FRMPD1: variants seen among roughly 807,000 people sequenced by gnomAD.
The protein encoded by FRMPD1 is FERM and PDZ domain-containing protein 1.
Under a neutral mutation model 117.8 loss-of-function variants are expected in FRMPD1, and 76 were observed. The ratio of observed to expected loss-of-function variants is 0.65; its 90% CI spans 0.54 to 0.78. The LOEUF is 0.78. Among genes scored for constraint, FRMPD1 ranks in the 30% least tolerant of loss-of-function variants. FRMPD1 has a pLI of 0.00. For missense variants in FRMPD1, 1,786 were observed against 1,964.5 expected (o/e 0.91, Z 1.72); for synonymous variants, 783 against 770.4 (o/e 1.02, Z -0.27).
chr9:37,669,849 C>G (rs367790275), intron 1 of FRMPD1: 4 of 151,900 alleles, frequency 2.6e-5, no homozygotes, highest in African/African-American at 9.7e-5. Flanking sequence ...CAAAATTAGC[C>G]GGGCATGGTG....
chr9:37,744,512 G>A lies in FRMPD1; in HGVS notation c.2480G>A (p.Gly827Glu), dbSNP rs34100169. 1.4e-3 allele frequency: 2,330 copies of A among 1,614,054 alleles called. 26 individuals carry two copies. The African/African-American group carries it at 0.027, about 19-fold the overall frequency. ...GGAAGACAGCCAAGCAGGAGGGGAG[G>A]GGTGAAGAAATATGCCAAGACCCTG... ...PDGRQPSRRG[G>E]VKKYAKTLRK... The change falls in exon 16 of 16, where the codon GGG becomes GAG. Residue 827 changes from glycine (G) to glutamate (E), a missense_variant. Coordinates refer to ENST00000377765, the MANE Select transcript of FRMPD1 (RefSeq NM_014907.3).
chr9:37,619,720 T>C, the FRMPD1 span, among the ~76,000 whole-genome samples: 2 of 149,194 alleles, frequency 1.3e-5, no homozygotes, highest in Non-Finnish European at 3.0e-5. Flanking sequence ...ATTGTGCCAC[T>C]GCACTCCAGC....
chr9:37,634,020 G>T, the FRMPD1 span, among the ~76,000 whole-genome samples: 1 of 152,174 alleles, frequency 6.6e-6, no homozygotes, highest in Non-Finnish European at 1.5e-5. Context: ...TCCCCGGAGG[G>T]AACCACACTT....
chr9:37,692,732 A>C lies in FRMPD1; in HGVS notation c.91A>C (p.Ser31Arg). ...VARWLRRSRD[S>R]SARAKVAAAD... ...AAGATGGCTTCGGCGCTCCCGGGAC[A>C]GCTCGGCCCGGTAAGCCTCCTGAGT... The change falls in exon 2 of 16, where the codon AGC becomes CGC. Residue 31 changes from serine to arginine, a missense_variant. Transcript: ENST00000377765. The C allele has an allele frequency of 6.2e-7, 1 of 1,611,854 alleles. No homozygotes were observed. Among genetic ancestry groups the C allele is most frequent in the Non-Finnish European group, 8.5e-7 (1 of 1,177,910 alleles).
chr9:37,609,391 A>G, the FRMPD1 span, among the ~76,000 whole-genome samples: 4 of 151,670 alleles, frequency 2.6e-5, 1 homozygote. Flanking sequence ...CCTCCCCTTC[A>G]GTTTTCCTCA....
intron 9 of FRMPD1, 39 bp downstream of exon 9, chr9:37,731,142 TC>T (rs772261889): frequency 1.2e-6 from 2 of 1,601,586 alleles, no homozygotes; most frequent in Admixed American, 3.3e-5. Flanking sequence ...CAGTGGTTGT[TC>T]TCAAAGATGG....
intron 2 of FRMPD1, among the ~76,000 whole-genome samples, chr9:37,693,998 G>A (rs528111001): frequency 5.3e-4 from 81 of 152,280 alleles, no homozygotes; most frequent in South Asian, 2.1e-3. Flanking sequence ...AACTTTTCGA[G>A]CCCATTCATT....
At chr9:37,606,886 T>G in the FRMPD1 span, among the ~76,000 whole-genome samples, 1 of 152,146 alleles carries the variant, frequency 6.6e-6, no homozygotes, top group Non-Finnish European at 1.5e-5. Flanking sequence ...TCCTTGGCCC[T>G]TCACATGTCA....
At position 37,746,715 on chromosome 9, in the gene FRMPD1, C is replaced by CA. The variant is rs1824743955; in HGVS notation, c.4684dup (p.Thr1562AsnfsTer?). 1 of 1,614,068 alleles carries CA rather than the reference C, an allele frequency of 6.2e-7. No individual in the cohort carries two copies. The highest frequency in any genetic ancestry group is 1.7e-5 in the Admixed American group (1 of 60,038). On this transcript the variant is annotated frameshift_variant, in exon 16 of 16. Coordinates refer to ENST00000377765, the MANE Select transcript of FRMPD1 (RefSeq NM_014907.3). LOFTEE classifies it high-confidence loss of function. Reference sequence around the variant, plus strand: ...TCCTGGCCCGTCAGTGCACGGCCCTCACGGCCGCCGTGTTCTGTTTGACCC... The same window carrying CA: ...TCCTGGCCCGTCAGTGCACGGCCCTCAACGGCCGCCGTGTTCTGTTTGACCC...
chr9:37,648,062 AGTGCTG>A (rs993363674), upstream of FRMPD1, among the ~76,000 whole-genome samples: 8 of 152,166 alleles, frequency 5.3e-5, no homozygotes, highest in Non-Finnish European at 1.0e-4. Context: ...CATTCCTAAT[AGTGCTG>A]GCTAGCAAGT....
At chr9:37,675,692 T>G (rs1050083553) in intron 1 of FRMPD1, among the ~76,000 whole-genome samples, 2 of 152,164 alleles carry the variant, frequency 1.3e-5, no homozygotes, top group Non-Finnish European at 2.9e-5. Flanking sequence ...CATGAGAGAA[T>G]AGATTAGACC....
intron 5 of FRMPD1, among the ~76,000 whole-genome samples, chr9:37,713,849 G>A (rs1823003363): frequency 1.3e-5 from 2 of 152,144 alleles, no homozygotes; most frequent in Admixed American, 1.3e-4. Flanking sequence ...CTGGTCATAG[G>A]CTGTAGAAAG....
chr9:37,727,030 A>G (rs1823646496), intron 7 of FRMPD1, among the ~76,000 whole-genome samples: 1 of 152,234 alleles, frequency 6.6e-6, no homozygotes, highest in Non-Finnish European at 1.5e-5. Context: ...ACGGCGAACA[A>G]CACCAACAAA....
intron 2 of FRMPD1, among the ~76,000 whole-genome samples, chr9:37,698,689 G>A (rs1479117646): frequency 6.0e-5 from 9 of 150,862 alleles, no homozygotes; most frequent in South Asian, 2.1e-4. Flanking sequence ...AGTCGCCCGC[G>A]TAGCTGGGAT....
chr9:37,745,834 C>T lies in FRMPD1; in HGVS notation c.3802C>T (p.His1268Tyr). The T allele has an allele frequency of 1.2e-6, 2 of 1,614,164 alleles. No individual in the cohort carries two copies. The highest frequency in any genetic ancestry group is 1.7e-6 in the Non-Finnish European group (2 of 1,180,002). ...EPLPCPQEDP[H>Y]LETSNHCLLS... is the part of the protein sequence containing the mutation. ...ACTACCATGTCCACAAGAGGATCCT[C>T]ACTTAGAAACTTCAAACCATTGCTT... Residue 1268 changes from histidine to tyrosine, a missense_variant, in exon 16 of 16, where the codon CAC becomes TAC. His to Tyr is a moderately conservative substitution (Grantham distance 83). Transcript: ENST00000377765.
chr9:37,611,163 T>C, the FRMPD1 span, among the ~76,000 whole-genome samples: 9 of 152,304 alleles, frequency 5.9e-5, no homozygotes, highest in South Asian at 1.0e-3. Flanking sequence ...AGCCCTGCAG[T>C]CTAGCATTTG....
chr9:37,612,371 C>T, the FRMPD1 span, among the ~76,000 whole-genome samples: 10 of 152,192 alleles, frequency 6.6e-5, no homozygotes, highest in South Asian at 4.2e-4. Flanking sequence ...GTTTTTGAGA[C>T]GGAGTCTCGA....
intron 1 of FRMPD1, among the ~76,000 whole-genome samples, chr9:37,656,518 C>T (rs529415646): frequency 6.6e-6 from 1 of 152,316 alleles, no homozygotes; most frequent in South Asian, 2.1e-4. Context: ...TACCTATGCA[C>T]TTAACACCAA....
At chr9:37,717,343 G>A (rs1258562038) in intron 5 of FRMPD1, among the ~76,000 whole-genome samples, 1 of 42,374 alleles carries the variant, frequency 2.4e-5, no homozygotes, top group Non-Finnish European at 6.5e-5. Flanking sequence ...GTGTATATAT[G>A]TGTGTGTGTG....
Sources: gnomAD v4.1 joint callset for allele counts (sites outside exome capture counted in the v4.1 genomes callset) on GRCh38, gnomAD v4.1.1 for gene constraint, MANE v1.5 for transcripts, NCBI Gene and HGNC (gene_info 2026-07-23, HGNC 2026-07-21) for gene names.